Variants in MARCHF1 observed in about 807,000 individuals in gnomAD.
MARCHF1 encodes the protein E3 ubiquitin-protein ligase MARCHF1.
In MARCHF1, 40 loss-of-function variants were observed where a neutral mutation model predicts 54.2. The observed-to-expected ratio is 0.74, with a 90% CI of 0.57 to 0.96. The LOEUF is 0.96. Among genes scored for constraint, MARCHF1 ranks in the 40% least tolerant of loss-of-function variants. The probability of loss-of-function intolerance (pLI) is 0.00; values close to 1 mark genes in which losing one functional copy is unlikely to be tolerated. For synonymous variants in MARCHF1, 236 were observed against 236.3 expected (o/e 1.00, Z 0.01); for missense variants, 586 against 656.5 (o/e 0.89, Z 1.17).
intron 1 of MARCHF1, among the ~76,000 whole-genome samples, chr4:164,216,708 T>C (rs1475613748): frequency 6.6e-6 from 1 of 152,154 alleles, no homozygotes; most frequent in Non-Finnish European, 1.5e-5. Context: ...TTTTACCAAT[T>C]TGAAAAATAA....
chr4:164,266,097 T>C (rs1394280169), intron 1 of MARCHF1, among the ~76,000 whole-genome samples: 1 of 152,156 alleles, frequency 6.6e-6, no homozygotes, highest in Admixed American at 6.6e-5. Context: ...ACTAAATAAA[T>C]GAACAAGTGA....
intron 4 of MARCHF1, among the ~76,000 whole-genome samples, chr4:163,774,502 C>CTT (rs369862555): frequency 0.45 from 61,742 of 137,694 alleles, 14,766 homozygotes; most frequent in Non-Finnish European, 0.5. Context: ...AAGTGTTAGG[C>CTT]TTTTTTTTTT....
intron 1 of MARCHF1, among the ~76,000 whole-genome samples, chr4:164,221,666 C>A (rs1294591894): frequency 1.3e-5 from 2 of 151,774 alleles, no homozygotes; most frequent in Non-Finnish European, 2.9e-5. Flanking sequence ...GGATCTTTTT[C>A]TTCTCTCCTC....
chr4:163,532,615 A>G (rs905807451), intron 9 of MARCHF1, among the ~76,000 whole-genome samples: 10 of 151,954 alleles, frequency 6.6e-5, no homozygotes, highest in Non-Finnish European at 1.5e-4. Context: ...ACAGGAAAAA[A>G]TATTTGCAAA....
At chr4:164,225,014 G>T (rs1363039191) in intron 1 of MARCHF1, among the ~76,000 whole-genome samples, 1 of 151,954 alleles carries the variant, frequency 6.6e-6, no homozygotes, top group Non-Finnish European at 1.5e-5. Flanking sequence ...TGGTTTCTTT[G>T]TTGTCACTAA....
intron 2 of MARCHF1, among the ~76,000 whole-genome samples, chr4:164,053,227 C>T (rs752268359): frequency 6.6e-6 from 1 of 151,920 alleles, no homozygotes; most frequent in East Asian, 1.9e-4. Context: ...AATTAGGTAT[C>T]CTGAAGTTTT....
intron 1 of MARCHF1, among the ~76,000 whole-genome samples, chr4:164,254,958 C>T (rs557983531): frequency 4.6e-5 from 7 of 152,136 alleles, no homozygotes; most frequent in Non-Finnish European, 1.0e-4. Context: ...TTAACCATCA[C>T]AATCTCAAAC....
intron 4 of MARCHF1, among the ~76,000 whole-genome samples, chr4:163,852,536 A>G (rs1340283071): frequency 1.3e-5 from 2 of 152,214 alleles, no homozygotes; most frequent in Non-Finnish European, 2.9e-5. Context: ...AGTGTAACAC[A>G]TAAGTCATTT....
chr4:163,731,129 G>A (rs1217209165), intron 4 of MARCHF1, among the ~76,000 whole-genome samples: 1 of 152,058 alleles, frequency 6.6e-6, no homozygotes, highest in Non-Finnish European at 1.5e-5. Context: ...AAAGAGTAAA[G>A]TAAAGCCCCC....
At chr4:163,867,931 A>C (rs1410637401) in intron 3 of MARCHF1, among the ~76,000 whole-genome samples, 1 of 148,618 alleles carries the variant, frequency 6.7e-6, no homozygotes, top group Middle Eastern at 3.5e-3. Flanking sequence ...TGGACATGCT[A>C]TCTACACTAG....
At chr4:163,893,216 T>A (rs12513245) in intron 3 of MARCHF1, among the ~76,000 whole-genome samples, 55,525 of 151,958 alleles carry the variant, frequency 0.37, 11,600 homozygotes, top group Middle Eastern at 0.55. Flanking sequence ...CTCAGCTCAC[T>A]GCAACCTCCG....
intron 1 of MARCHF1, among the ~76,000 whole-genome samples, chr4:164,117,192 A>T (rs1755955964): frequency 6.6e-6 from 1 of 152,070 alleles, no homozygotes. Flanking sequence ...TGGATGGCAG[A>T]GGTTGCGGTG....
chr4:163,610,489 G>A (rs758070756), intron 7 of MARCHF1, among the ~76,000 whole-genome samples: 15 of 152,096 alleles, frequency 9.9e-5, no homozygotes, highest in Middle Eastern at 6.8e-3. Context: ...GACTTTAATT[G>A]CAAGCATTAT....
intron 1 of MARCHF1, among the ~76,000 whole-genome samples, chr4:164,299,052 CT>C (rs1232162732): frequency 2.0e-5 from 3 of 152,044 alleles, no homozygotes; most frequent in Non-Finnish European, 2.9e-5. Context: ...TGCAGTCATA[CT>C]ATCTCAAAAC....
chr4:164,324,128 A>G (rs1735212924), intron 1 of MARCHF1, among the ~76,000 whole-genome samples: 1 of 151,898 alleles, frequency 6.6e-6, no homozygotes, highest in Non-Finnish European at 1.5e-5. Context: ...CCATGACCCA[A>G]GTCTATTTCA....
At chr4:163,857,755 C>A (rs769403599) in intron 3 of MARCHF1, among the ~76,000 whole-genome samples, 92 of 152,114 alleles carry the variant, frequency 6.0e-4, no homozygotes, top group South Asian at 6.2e-4. Context: ...GAATAATTTA[C>A]TTTTAATTCA....
intron 2 of MARCHF1, among the ~76,000 whole-genome samples, chr4:164,052,270 CCTGTA>C: frequency 1.1e-4 from 1 of 8,864 alleles, no homozygotes; most frequent in Non-Finnish European, 5.4e-4. Flanking sequence ...CGCCTGTAAT[CCTGTA>C]ATCCCAGCAC....
chr4:163,796,691 G>A (rs1384472155), intron 4 of MARCHF1, among the ~76,000 whole-genome samples: 2 of 151,846 alleles, frequency 1.3e-5, no homozygotes, highest in African/African-American at 2.4e-5. Flanking sequence ...TCATTGTTCT[G>A]GGATTATTTT....
intron 1 of MARCHF1, among the ~76,000 whole-genome samples, chr4:164,160,943 A>G (rs555350044): frequency 1.5e-3 from 235 of 152,224 alleles, no homozygotes; most frequent in South Asian, 7.7e-3. Flanking sequence ...ACCTAATACA[A>G]AAAAAATGAC....
Sources: allele counts gnomAD v4.1 joint callset (sites outside exome capture counted in the v4.1 genomes callset), GRCh38; gene constraint gnomAD v4.1.1; transcripts MANE v1.5; gene names NCBI Gene and HGNC (gene_info 2026-07-23, HGNC 2026-07-21).